The following FCHO2 variants were observed in gnomAD, a reference collection of about 807,000 sequenced individuals.
FCHO2 encodes the protein FCH and mu domain containing endocytic adaptor 2.
In FCHO2, 43 loss-of-function variants were observed where a neutral mutation model predicts 114.1. The ratio of observed to expected loss-of-function variants is 0.38; its 90% CI spans 0.30 to 0.49. The LOEUF (loss-of-function observed/expected upper bound fraction) is 0.49, where lower values mean the gene tolerates loss of function less well. Among genes scored for constraint, FCHO2 ranks in the 20% least tolerant of loss-of-function variants. FCHO2 has a pLI of 0.97. For missense variants in FCHO2, 807 were observed against 950.4 expected, an observed-to-expected ratio of 0.85 and a Z score of 1.98; for synonymous variants, 293 against 315.2, an observed-to-expected ratio of 0.93 and a Z score of 0.75.
chr5:73,034,767 C>A, intron 9 of FCHO2, 66 bp downstream of exon 9: 1 of 1,305,452 alleles, frequency 7.7e-7, no homozygotes, highest in South Asian at 1.5e-5. Context: ...GTTCATTGAA[C>A]AAATAAGGAG....
intron 19 of FCHO2, among the ~76,000 whole-genome samples, chr5:73,070,369 T>G (rs886689765): frequency 4.0e-5 from 6 of 151,642 alleles, no homozygotes; most frequent in African/African-American, 1.5e-4. Flanking sequence ...CACAGCATTT[T>G]TCCCATCTTT....
intron 10 of FCHO2, among the ~76,000 whole-genome samples, chr5:73,039,328 CAG>C (rs1298577681): frequency 1.3e-5 from 2 of 152,164 alleles, no homozygotes; most frequent in East Asian, 1.9e-4. Context: ...TGAGGGCAAA[CAG>C]ATAAGTACTT....
intron 5 of FCHO2, chr5:72,997,338 A>G (rs1754174982): frequency 6.3e-7 from 1 of 1,584,140 alleles, no homozygotes; most frequent in East Asian, 2.2e-5. Flanking sequence ...GCTGTGGCAG[A>G]TAAACTGGAC....
At chr5:73,009,432 C>T (rs1440082074) in intron 6 of FCHO2, among the ~76,000 whole-genome samples, 3 of 152,182 alleles carry the variant, frequency 2.0e-5, no homozygotes, top group South Asian at 2.1e-4. Context: ...TAAAAAAGAG[C>T]GTTCAGCACA....
chr5:73,078,050 G>A (rs1742973888), intron 21 of FCHO2, 130 bp from the exon 22 acceptor site: 1 of 581,632 alleles, frequency 1.7e-6, no homozygotes, highest in Admixed American at 3.7e-5. Flanking sequence ...TTCATCCCCT[G>A]ATCTAATTTT....
At chr5:73,027,720 A>G (rs1241256001) in intron 8 of FCHO2, among the ~76,000 whole-genome samples, 1 of 152,210 alleles carries the variant, frequency 6.6e-6, no homozygotes, top group Non-Finnish European at 1.5e-5. Flanking sequence ...ATTTATTTCA[A>G]AATTTTGTAT....
At chr5:73,051,576 G>GT (rs1448298370) in intron 12 of FCHO2, among the ~76,000 whole-genome samples, 170 bp downstream of exon 12, 6 of 151,048 alleles carry the variant, frequency 4.0e-5, no homozygotes, top group Admixed American at 6.6e-5. Flanking sequence ...TTTTTTTTGG[G>GT]TTTTTTTTGA....
chr5:73,007,689 G>A (rs915855786), intron 6 of FCHO2, among the ~76,000 whole-genome samples: 9 of 152,230 alleles, frequency 5.9e-5, no homozygotes, highest in Admixed American at 1.3e-4. Flanking sequence ...GTGCTGGTGT[G>A]TATACAGTAC....
In FCHO2 at chr5:72,974,275, G is replaced by C. The variant is rs1411340445; in HGVS notation, c.125+5686G>C. Among the ~76,000 whole-genome samples the C allele has an allele frequency of 1.2e-4, 15 of 128,130 alleles. 1 individual carries two copies. The highest frequency in any genetic ancestry group is 3.9e-4 in the African/African-American group (14 of 35,804). The allele number at this position is 128,130 out of a possible 152,430, so 84.1% of individuals were successfully genotyped here. A position where few individuals can be genotyped will look rare whatever the true frequency, so the allele number is the denominator to read the frequency against. On this transcript the variant is annotated intron_variant, in intron 2 of 25. Transcript: ENST00000430046. Reference sequence around the variant, plus strand: ...GGTATCCTTGTTGACTTTCTGTCTCGTTGATCTTTCTAATGTTGACAGTGG... The same window carrying C: ...GGTATCCTTGTTGACTTTCTGTCTCCTTGATCTTTCTAATGTTGACAGTGG...
rs549546067 is a variant in FCHO2 at position 72,972,880 on chromosome 5, A to G, written c.125+4291A>G. Among the ~76,000 whole-genome samples, 977 of 152,280 alleles carry G rather than the reference A, an allele frequency of 6.4e-3. 10 individuals are homozygous for G. The highest frequency in any genetic ancestry group is 0.022 in the African/African-American group (935 of 41,556). Reference sequence around the variant, plus strand: ...TATTATTTTGAAATACGTCCCATCAATGCCTAATTTATTGAGAGTTTTTAG... The same window carrying G: ...TATTATTTTGAAATACGTCCCATCAGTGCCTAATTTATTGAGAGTTTTTAG... On this transcript the variant is annotated intron_variant, in intron 2 of 25. Transcript: ENST00000430046.
rs759563025 is a variant in FCHO2, at chr5:73,037,234, G to A, written c.914+19G>A. 85 of 1,531,908 alleles carry A rather than the reference G, an allele frequency of 5.5e-5. No individual in the cohort carries two copies. Among genetic ancestry groups the A allele is most frequent in the Non-Finnish European group, 6.7e-5 (76 of 1,132,886 alleles). 94.9% of individuals were successfully genotyped at this position (1,531,908 alleles called of 1,614,324 possible). A position where few individuals can be genotyped will look rare whatever the true frequency, so the allele number is the denominator to read the frequency against. ...AATCTGTGTAAGTATTTTAAATATC[G>A]TCAAAATCCTTTTTGTTTTTATAAG... On this transcript the variant is annotated intron_variant, in intron 10 of 25. Coordinates refer to ENST00000430046, the MANE Select transcript of FCHO2 (RefSeq NM_138782.3).
At chr5:73,041,510 AT>A in intron 11 of FCHO2, among the ~76,000 whole-genome samples, 195 bp downstream of exon 11, 1 of 152,236 alleles carries the variant, frequency 6.6e-6, no homozygotes, top group East Asian at 1.9e-4. Flanking sequence ...AATAGAAAGT[AT>A]TTCTAACCAC....
intron 17 of FCHO2, among the ~76,000 whole-genome samples, chr5:73,059,367 G>GTC (rs1361177436): frequency 6.6e-6 from 1 of 151,976 alleles, no homozygotes; most frequent in African/African-American, 2.4e-5. Flanking sequence ...TGTTTTTATT[G>GTC]TCCCTGTTTT....
chr5:73,033,352 T>A (rs918349416), intron 8 of FCHO2, among the ~76,000 whole-genome samples: 4 of 152,110 alleles, frequency 2.6e-5, no homozygotes, highest in African/African-American at 9.7e-5. Context: ...TTTATTTGAA[T>A]GGAAACTAGA....
intron 22 of FCHO2, among the ~76,000 whole-genome samples, chr5:73,079,783 A>G (rs561877523): frequency 2.6e-5 from 4 of 152,330 alleles, no homozygotes; most frequent in South Asian, 4.1e-4. Flanking sequence ...AACTTTTTCT[A>G]TATGTGGGTC....
intron 16 of FCHO2, among the ~76,000 whole-genome samples, chr5:73,056,733 T>C (rs1285081760): frequency 6.6e-6 from 1 of 152,208 alleles, no homozygotes; most frequent in Non-Finnish European, 1.5e-5. Flanking sequence ...AGCTGGTTAT[T>C]CTCATGGGAA....
chr5:73,020,699 A>G lies in FCHO2; in HGVS notation c.796+3391A>G. ...AGGAACAGTTTGGTCTCTGTCCTTTAGTGAAGAAATTGGATGCTCATTTTC... is the reference window on the plus strand; with the variant it reads ...AGGAACAGTTTGGTCTCTGTCCTTTGGTGAAGAAATTGGATGCTCATTTTC... On this transcript the variant is annotated intron_variant, in intron 8 of 25. Coordinates refer to ENST00000430046, the MANE Select transcript of FCHO2 (RefSeq NM_138782.3). The G allele has an allele frequency of 5.8e-6, 7 of 1,212,454 alleles. No homozygotes were observed. In the Middle Eastern group the frequency reaches 1.9e-3, roughly 332 times the overall value. The allele number at this position is 1,212,454 out of a possible 1,614,324, so 75.1% of individuals were successfully genotyped here. A position where few individuals can be genotyped will look rare whatever the true frequency, so the allele number is the denominator to read the frequency against.
chr5:73,081,981 T>C lies in FCHO2; in HGVS notation c.2179T>C (p.Trp727Arg). The change falls in exon 23 of 26, where the codon TGG becomes CGG. Residue 727 changes from tryptophan (W) to arginine (R), a missense_variant and splice_region_variant. Transcript: ENST00000430046. ...CATGCAGTCCCTTCCCCCTGCAATA[T>C]GGTAAATTAAACATACGTTTCTGAA... ...TNMQSLPPAI[W>R]NAEQMKAFWK... is the part of the protein sequence containing the mutation. The C allele has an allele frequency of 6.7e-7, 1 of 1,494,970 alleles. No individual in the cohort carries two copies. The highest frequency in any genetic ancestry group is 9.0e-7 in the Non-Finnish European group (1 of 1,114,446). The allele number at this position is 1,494,970 out of a possible 1,614,324, so 92.6% of individuals were successfully genotyped here. A position where few individuals can be genotyped will look rare whatever the true frequency, so the allele number is the denominator to read the frequency against.
chr5:72,956,247 C>A, intron 1 of FCHO2, 118 bp downstream of exon 1: 3 of 1,357,494 alleles, frequency 2.2e-6, no homozygotes, highest in Non-Finnish European at 3.0e-6. Context: ...GAGCGTCCTC[C>A]TGCCGCGTCC....
Sources: gnomAD v4.1 joint callset for allele counts (sites outside exome capture counted in the v4.1 genomes callset) on GRCh38, gnomAD v4.1.1 for gene constraint, MANE v1.5 for transcripts, NCBI Gene and HGNC (gene_info 2026-07-23, HGNC 2026-07-21) for gene names.